The following SLC25A21 variants were observed in gnomAD, a reference collection of about 807,000 sequenced individuals.
SLC25A21 encodes mitochondrial 2-oxodicarboxylate carrier.
A neutral mutation model predicts 43.8 loss-of-function variants in SLC25A21; 47 were observed. The ratio of observed to expected loss-of-function variants is 1.07; its 90% confidence interval spans 0.85 to 1.37. SLC25A21 has a LOEUF of 1.37. Ranked by LOEUF, SLC25A21 falls within the 40% of genes most tolerant of loss-of-function variation. The pLI is 0.00. For synonymous variants in SLC25A21, 131 were observed against 121.3 expected, an observed-to-expected ratio of 1.08 and a Z score of -0.52; for missense variants, 352 against 350.2, an observed-to-expected ratio of 1.00 and a Z score of -0.04.
chr14:36,778,146 T>C (rs1464901744), intron 3 of SLC25A21, among the ~76,000 whole-genome samples: 3 of 152,224 alleles, frequency 2.0e-5, no homozygotes, highest in Admixed American at 6.5e-5. Flanking sequence ...ACTCCCTTCC[T>C]TCTTGTCTTA....
In SLC25A21 at chr14:36,923,166, T is replaced by A. The variant is rs192356030; in HGVS notation, c.71-48162A>T. ...AAGAAAAAGACCAATACAAGAAAAA[T>A]TATACTCAAATTGCTGTAAAGCAAT... On this transcript the variant is annotated intron_variant, in intron 1 of 9. Coordinates refer to ENST00000331299, the MANE Select transcript of SLC25A21 (RefSeq NM_030631.4). Among the ~76,000 whole-genome samples, 108 of 151,610 alleles carry A rather than the reference T, an allele frequency of 7.1e-4. No individual in the cohort carries two copies. The East Asian group carries it at 0.019, about 27-fold the overall frequency.
At chr14:36,979,712 C>T (rs1277528809) in intron 1 of SLC25A21, among the ~76,000 whole-genome samples, 1 of 152,164 alleles carries the variant, frequency 6.6e-6, no homozygotes. Context: ...AACTTTTTAA[C>T]TGGTTACATA....
chr14:37,002,540 A>G (rs1489636316), intron 1 of SLC25A21, among the ~76,000 whole-genome samples: 1 of 152,138 alleles, frequency 6.6e-6, no homozygotes, highest in African/African-American at 2.4e-5. Context: ...TACGTATACA[A>G]CTTTGAGCAA....
At chr14:37,129,791 T>G (rs1339051883) in intron 1 of SLC25A21, among the ~76,000 whole-genome samples, 2 of 151,942 alleles carry the variant, frequency 1.3e-5, no homozygotes, top group Non-Finnish European at 2.9e-5. Flanking sequence ...TCAAAGTTCT[T>G]ATGATTAATT....
rs78675184 is a variant in SLC25A21 at position 37,046,966 on chromosome 14, T to C, written c.70+125315A>G. Among the ~76,000 whole-genome samples the C allele has an allele frequency of 2.8e-3, 421 of 152,326 alleles. 1 individual carries two copies. Among genetic ancestry groups the C allele is most frequent in the African/African-American group, 9.8e-3 (407 of 41,576 alleles). ...AACAGGACAATGGCATCCGGAACAT[T>C]TGTCCTTTTCATAGTTTGTTTTAGA... On this transcript the variant is annotated intron_variant, in intron 1 of 9. Coordinates refer to ENST00000331299, the MANE Select transcript of SLC25A21 (RefSeq NM_030631.4).
chr14:36,892,350 G>A (rs2774042), intron 1 of SLC25A21, among the ~76,000 whole-genome samples: 36,905 of 151,942 alleles, frequency 0.24, 5,355 homozygotes, highest in East Asian at 0.57. Flanking sequence ...TTAATGCTCC[G>A]ATAATGCCAA....
chr14:36,761,644 T>A (rs59999847), intron 3 of SLC25A21, among the ~76,000 whole-genome samples: 194 of 152,328 alleles, frequency 1.3e-3, no homozygotes, highest in African/African-American at 4.5e-3. Context: ...GGTCTCTTGA[T>A]CTTAGGATAT....
chr14:36,715,981 C>T (rs1278622288), intron 6 of SLC25A21, among the ~76,000 whole-genome samples: 1 of 152,044 alleles, frequency 6.6e-6, no homozygotes, highest in Non-Finnish European at 1.5e-5. Flanking sequence ...GTCCCAGCTA[C>T]TTGGGAGGCT....
At chr14:37,091,669 A>C (rs533683978) in intron 1 of SLC25A21, among the ~76,000 whole-genome samples, 3 of 152,360 alleles carry the variant, frequency 2.0e-5, no homozygotes, top group African/African-American at 7.2e-5. Flanking sequence ...TGAATGACTG[A>C]GAAAGAACCA....
chr14:36,987,183 A>C lies in SLC25A21; in HGVS notation c.71-112179T>G, dbSNP rs373995613. On this transcript the variant is annotated intron_variant, in intron 1 of 9. Transcript: ENST00000331299. ...TAACATTCCTTTCATCCAGTTCCTT[A>C]ATTTGACACATGGGAAAAAGGCAGC... Among the ~76,000 whole-genome samples the C allele has an allele frequency of 3.2e-4, 48 of 152,252 alleles. No individual in the cohort carries two copies. The East Asian group carries it at 6.2e-3, about 20-fold the overall frequency.
Position 36,678,835 on chromosome 14 carries a change from T to G in SLC25A21, c.*1823A>C, listed in dbSNP as rs186781523. The G allele has an allele frequency of 1.9e-5, 19 of 981,628 alleles. No homozygotes were observed. The highest frequency in any genetic ancestry group is 2.1e-5 in the Non-Finnish European group (17 of 819,496). The allele number at this position is 981,628 out of a possible 1,614,324, so 60.8% of individuals were successfully genotyped here. A position where few individuals can be genotyped will look rare whatever the true frequency, so the allele number is the denominator to read the frequency against. On this transcript the variant is annotated 3_prime_UTR_variant, in exon 10 of 10. Transcript: ENST00000331299. ...TCTAGGTCTTAACAGTGAATTCACA[T>G]GGAGTAATTTTTAAAAGATATCAGA...
intron 2 of SLC25A21, among the ~76,000 whole-genome samples, chr14:36,838,268 T>C (rs1889275985): frequency 6.6e-6 from 1 of 152,196 alleles, no homozygotes; most frequent in Non-Finnish European, 1.5e-5. Flanking sequence ...CACATGTCTG[T>C]ACATATTTTC....
intron 3 of SLC25A21, among the ~76,000 whole-genome samples, chr14:36,795,095 T>G (rs938868133): frequency 5.3e-5 from 8 of 152,214 alleles, no homozygotes; most frequent in Non-Finnish European, 1.2e-4. Flanking sequence ...GACCTTATAA[T>G]AACCTTAAAG....
rs1961161941 is a variant in SLC25A21 at position 37,029,459 on chromosome 14, G to A, written c.70+142822C>T. Among the ~76,000 whole-genome samples the A allele has an allele frequency of 3.9e-5, 6 of 152,098 alleles. 1 individual carries two copies. The South Asian group carries it at 1.0e-3, about 26-fold the overall frequency. On this transcript the variant is annotated intron_variant, in intron 1 of 9. Coordinates refer to ENST00000331299, the MANE Select transcript of SLC25A21 (RefSeq NM_030631.4). ...AATGTAATTAACTCAATTTTACAAC[G>A]AAAGCTGGGCATACTCAGTGCCACT... is the stretch of plus-strand genomic sequence containing the variant.
chr14:37,081,426 C>T (rs1037551924), intron 1 of SLC25A21, among the ~76,000 whole-genome samples: 1 of 152,156 alleles, frequency 6.6e-6, no homozygotes, highest in Non-Finnish European at 1.5e-5. Flanking sequence ...CCTACAGTGG[C>T]CTCACCTCAT....
At chr14:36,738,391 G>T (rs781617000) in intron 3 of SLC25A21, among the ~76,000 whole-genome samples, 3 of 151,978 alleles carry the variant, frequency 2.0e-5, no homozygotes, top group Non-Finnish European at 4.4e-5. Context: ...GTTTTGGCTT[G>T]CTGTGCAGAG....
Position 36,745,150 on chromosome 14 carries a change from A to G in SLC25A21, c.204-10577T>C, listed in dbSNP as rs141780787. Among the ~76,000 whole-genome samples, 1,031 of 152,192 alleles carry G rather than the reference A, an allele frequency of 6.8e-3. 13 individuals are homozygous for G. Among genetic ancestry groups the G allele is most frequent in the African/African-American group, 0.023 (959 of 41,520 alleles). ...AGAATGATAGTTTCCAGCTTCATCC[A>G]TGTCCCTGAAAAGGACATGAACTCA... On this transcript the variant is annotated intron_variant, in intron 3 of 9. Transcript: ENST00000331299.
intron 6 of SLC25A21, among the ~76,000 whole-genome samples, chr14:36,718,993 G>A (rs1884267459): frequency 6.6e-6 from 1 of 152,142 alleles, no homozygotes; most frequent in African/African-American, 2.4e-5. Flanking sequence ...AAATGACAGA[G>A]TAGAAGGAAA....
At chr14:36,761,787 A>G (rs1886167570) in intron 3 of SLC25A21, among the ~76,000 whole-genome samples, 1 of 152,228 alleles carries the variant, frequency 6.6e-6, no homozygotes, top group Admixed American at 6.5e-5. Flanking sequence ...AAAGATATGC[A>G]TATTGACGTA....
Sources: allele counts gnomAD v4.1 joint callset (sites outside exome capture counted in the v4.1 genomes callset), GRCh38; gene constraint gnomAD v4.1.1; transcripts MANE v1.5; gene names NCBI Gene and HGNC (gene_info 2026-07-23, HGNC 2026-07-21).